Variants in ZNF575 observed in about 807,000 individuals in gnomAD.
ZNF575 encodes zinc finger protein 575.
A neutral mutation model predicts 17.5 loss-of-function variants in ZNF575; 17 were observed. That is an observed-to-expected ratio of 0.97 (90% CI 0.66 to 1.45). ZNF575 has a LOEUF of 1.45. Among genes scored for constraint, ZNF575 ranks in the 40% most tolerant of loss-of-function variants. The pLI is 0.00. For synonymous variants in ZNF575, 146 were observed against 158.3 expected, an observed-to-expected ratio of 0.92 and a Z score of 0.58; for missense variants, 352 against 359.2, an observed-to-expected ratio of 0.98 and a Z score of 0.16.
upstream of ZNF575, chr19:43,531,681 A>G (rs1436725062): frequency 2.2e-6 from 1 of 457,836 alleles, no homozygotes; most frequent in Non-Finnish European, 3.9e-6. Context: ...TGTAATAAAA[A>G]GATATTTATG....
rs907911175 is a variant in ZNF575, at chr19:43,535,204, C to G, written c.255C>G (p.His85Gln). The G allele has an allele frequency of 6.2e-7, 1 of 1,610,556 alleles. No homozygotes were observed. Among genetic ancestry groups the G allele is most frequent in the African/African-American group, 1.3e-5 (1 of 74,868 alleles). The change falls in exon 4 of 4, where the codon CAC (histidine) becomes CAG (glutamine). Residue 85 changes from histidine (H) to glutamine (Q), a missense_variant. Physicochemically the swap from His to Gln is conservative, Grantham distance 24. Coordinates refer to ENST00000314228, the MANE Select transcript of ZNF575 (RefSeq NM_174945.3). ...AGCTGGCCACGCACCGCTTAGCACA[C>G]GGAGGCGCCCGACCCCACCCATGCC... is the stretch of plus-strand genomic sequence containing the variant. ...PSKLATHRLA[H>Q]GGARPHPCPD... is the part of the protein sequence containing the mutation.
intron 2 of ZNF575, 108 bp from the exon 3 acceptor site, chr19:43,534,229 G>A: frequency 1.8e-6 from 1 of 569,720 alleles, no homozygotes; most frequent in Non-Finnish European, 3.1e-6. Context: ...AATTTGCATA[G>A]CCCCGCTCAC....
Position 43,535,041 on chromosome 19 carries a change from G to A in ZNF575, c.92G>A (p.Gly31Asp). ...EPVTKEAPHQ[G>D]PPQKPSQSAP... ...TCCTGTCCCCCAGCTCCCCACCAGG[G>A]CCCACCGCAGAAGCCCAGCCAGTCA... The change falls in exon 4 of 4, where the codon GGC (glycine) becomes GAC (aspartate). Residue 31 changes from glycine (G) to aspartate (D), a missense_variant. Transcript: ENST00000314228. The A allele has an allele frequency of 1.4e-6, 2 of 1,467,832 alleles. No homozygotes were observed. The highest frequency in any genetic ancestry group is 2.7e-5 in the Admixed American group (1 of 36,972). The allele number at this position is 1,467,832 out of a possible 1,614,324, so 90.9% of individuals were successfully genotyped here. A position where few individuals can be genotyped will look rare whatever the true frequency, so the allele number is the denominator to read the frequency against.
chr19:43,533,179 C>T (rs181817855), upstream of ZNF575: 1 of 152,246 alleles, frequency 6.6e-6, no homozygotes. Flanking sequence ...CACTTTCTGT[C>T]GATACGGTAG....
At chr19:43,530,925 C>T (rs1972335125), upstream of ZNF575, among the ~76,000 whole-genome samples, 1 of 152,068 alleles carries the variant, frequency 6.6e-6, no homozygotes, top group South Asian at 2.1e-4. Flanking sequence ...TATAACAATA[C>T]CCTCACTGGT....
chr19:43,534,439 CG>C lies in ZNF575; in HGVS notation c.19del (p.Glu7SerfsTer17). On this transcript the variant is annotated frameshift_variant, in exon 3 of 4. Coordinates refer to ENST00000314228, the MANE Select transcript of ZNF575 (RefSeq NM_174945.3). LOFTEE classifies it high-confidence loss of function. MLERG[A>X]ESAAGATDPS... ...GCCAGCAAGATGCTGGAGCGAGGCG[CG>C]GAGTCCGCGGCCGGGGCTACCGATC... 6.4e-7 allele frequency: 1 copy of C among 1,553,950 alleles called. No individual in the cohort carries two copies. The highest frequency in any genetic ancestry group is 8.7e-7 in the Non-Finnish European group (1 of 1,151,136).
chr19:43,531,740 T>TG (rs1221158898), upstream of ZNF575: 4 of 564,348 alleles, frequency 7.1e-6, no homozygotes, highest in Non-Finnish European at 9.6e-6. Flanking sequence ...GAAGAGTGGA[T>TG]GGGGGGTAAA....
At chr19:43,534,595 G>A in intron 3 of ZNF575, 94 bp downstream of exon 3, 1 of 1,214,176 alleles carries the variant, frequency 8.2e-7, no homozygotes, top group South Asian at 1.8e-5. Flanking sequence ...AAAATTTGAG[G>A]GCCCTAGGGT....
chr19:43,532,177 T>C (rs1314560124), upstream of ZNF575, among the ~76,000 whole-genome samples: 1 of 129,502 alleles, frequency 7.7e-6, no homozygotes, highest in Non-Finnish European at 1.8e-5. Flanking sequence ...TACAAGCGTG[T>C]GCCACCATGC....
chr19:43,534,510 GC>G lies in ZNF575; in HGVS notation c.79+13del, dbSNP rs777332296. On this transcript the variant is annotated intron_variant, in intron 3 of 3. Transcript: ENST00000314228. ...ACCAGTGACCAAAGAAGGTGAGAGTGCCCCGCCTGTGAGTAGGGAGCATTCT... is the reference window on the plus strand; with the variant it reads ...ACCAGTGACCAAAGAAGGTGAGAGTGCCCGCCTGTGAGTAGGGAGCATTCT... 1.1e-5 allele frequency: 16 copies of G among 1,435,114 alleles called. No individual in the cohort carries two copies. Among genetic ancestry groups the G allele is most frequent in the East Asian group, 5.6e-5 (2 of 35,780 alleles). The allele number at this position is 1,435,114 out of a possible 1,614,324, so 88.9% of individuals were successfully genotyped here. A position where few individuals can be genotyped will look rare whatever the true frequency, so the allele number is the denominator to read the frequency against.
chr19:43,535,850 C>A lies in ZNF575; in HGVS notation c.*163C>A. 2.6e-6 allele frequency: 2 copies of A among 770,614 alleles called. No homozygotes were observed. Among genetic ancestry groups the A allele is most frequent in the Admixed American group, 5.9e-5 (2 of 34,084 alleles). The allele number at this position is 770,614 out of a possible 1,614,324, so 47.7% of individuals were successfully genotyped here. A position where few individuals can be genotyped will look rare whatever the true frequency, so the allele number is the denominator to read the frequency against. On this transcript the variant is annotated 3_prime_UTR_variant, in exon 4 of 4. Transcript: ENST00000314228. ...GGCTCGAGCTCAGAAGCCCGAGGAA[C>A]TCTTTGCTCCCCTGCTTTGGGGAGA...
upstream of ZNF575, among the ~76,000 whole-genome samples, chr19:43,531,588 A>G (rs1972344818): frequency 6.6e-6 from 1 of 151,678 alleles, no homozygotes; most frequent in Admixed American, 6.6e-5. Flanking sequence ...TCTCAAAAAA[A>G]AGAGAGAGAG....
intron 3 of ZNF575, 88 bp downstream of exon 3, chr19:43,534,589 T>C: frequency 7.9e-7 from 1 of 1,263,026 alleles, no homozygotes; most frequent in Non-Finnish European, 1.1e-6. Flanking sequence ...AGGGTGAAAA[T>C]TTGAGGGCCC....
In ZNF575 at chr19:43,535,496, C is replaced by A; in HGVS notation, c.547C>A (p.Pro183Thr). ...CCGCCCCTATCCTTGCCCGCATTGC[C>A]CCAAGGCTTTCTCATTTCCCTCCAA... ...DARPYPCPHC[P>T]KAFSFPSKLA... The change falls in exon 4 of 4, where the codon CCC becomes ACC. Residue 183 changes from proline to threonine, a missense_variant. Physicochemically the swap from Pro to Thr is conservative, Grantham distance 38. Coordinates refer to ENST00000314228, the MANE Select transcript of ZNF575 (RefSeq NM_174945.3). The A allele has an allele frequency of 1.9e-6, 3 of 1,613,942 alleles. No individual in the cohort carries two copies. The highest frequency in any genetic ancestry group is 2.5e-6 in the Non-Finnish European group (3 of 1,179,924).
In ZNF575 at chr19:43,535,485, G is replaced by A. The variant is rs747390626; in HGVS notation, c.536G>A (p.Cys179Tyr). The A allele has an allele frequency of 1.2e-6, 2 of 1,612,748 alleles. No homozygotes were observed. The highest frequency in any genetic ancestry group is 1.7e-5 in the Admixed American group (1 of 59,832). The change falls in exon 4 of 4, where the codon TGC (cysteine) becomes TAC (tyrosine). Residue 179 changes from cysteine to tyrosine, a missense_variant. Coordinates refer to ENST00000314228, the MANE Select transcript of ZNF575 (RefSeq NM_174945.3). ...HHATDARPYP[C>Y]PHCPKAFSFP... is the part of the protein sequence containing the mutation. ...GCCACCGACGCCCGCCCCTATCCTT[G>A]CCCGCATTGCCCCAAGGCTTTCTCA...
chr19:43,535,051 G>C lies in ZNF575; in HGVS notation c.102G>C (p.Gln34His). ...CAGCTCCCCACCAGGGCCCACCGCA[G>C]AAGCCCAGCCAGTCAGCTCCAGGGC... The part of the protein sequence containing the change: ...TKEAPHQGPP[Q>H]KPSQSAPGPT... The change falls in exon 4 of 4, where the codon CAG becomes CAC. Residue 34 changes from glutamine (Q) to histidine (H), a missense_variant. Transcript: ENST00000314228. The C allele has an allele frequency of 6.8e-7, 1 of 1,480,806 alleles. No homozygotes were observed. Among genetic ancestry groups the C allele is most frequent in the Non-Finnish European group, 8.9e-7 (1 of 1,126,598 alleles). The allele number at this position is 1,480,806 out of a possible 1,614,324, so 91.7% of individuals were successfully genotyped here.
At position 43,535,244 on chromosome 19, in the gene ZNF575, G is replaced by A. The variant is rs866525238; in HGVS notation, c.295G>A (p.Ala99Thr). ...RPHPCPDCPK[A>T]FSYPSKLAAH... ...CCACCCATGCCCAGACTGCCCCAAGGCCTTCTCCTACCCCTCCAAGCTGGC... is the reference window on the plus strand; with the variant it reads ...CCACCCATGCCCAGACTGCCCCAAGACCTTCTCCTACCCCTCCAAGCTGGC... Residue 99 changes from alanine to threonine, a missense_variant, in exon 4 of 4, where the codon GCC becomes ACC. Coordinates refer to ENST00000314228, the MANE Select transcript of ZNF575 (RefSeq NM_174945.3). 1 of 1,611,376 alleles carries A rather than the reference G, an allele frequency of 6.2e-7. No individual in the cohort carries two copies. Among genetic ancestry groups the A allele is most frequent in the Non-Finnish European group, 8.5e-7 (1 of 1,179,118 alleles).
chr19:43,531,859 C>G (rs921563697), upstream of ZNF575: 1 of 675,970 alleles, frequency 1.5e-6, no homozygotes, highest in African/African-American at 1.8e-5. Context: ...AATCATAGCT[C>G]ATTGCAGACA....
chr19:43,535,577 A>G lies in ZNF575; in HGVS notation c.628A>G (p.Thr210Ala). Reference protein sequence around the residue: ...DPPTAPGSQATAWHRCSSCGQ... With the variant: ...DPPTAPGSQAAAWHRCSSCGQ... ...CCCAACCGCGCCCGGCAGCCAGGCGACTGCCTGGCACCGATGCTCCAGCTG... is the reference window on the plus strand; with the variant it reads ...CCCAACCGCGCCCGGCAGCCAGGCGGCTGCCTGGCACCGATGCTCCAGCTG... The change falls in exon 4 of 4, where the codon ACT (threonine) becomes GCT (alanine). Residue 210 changes from threonine (T) to alanine (A), a missense_variant. Transcript: ENST00000314228. 2 of 1,613,804 alleles carry G rather than the reference A, an allele frequency of 1.2e-6. No homozygotes were observed. The highest frequency in any genetic ancestry group is 1.7e-6 in the Non-Finnish European group (2 of 1,179,958).
Sources: gnomAD v4.1 joint callset for allele counts (sites outside exome capture counted in the v4.1 genomes callset) on GRCh38, gnomAD v4.1.1 for gene constraint, MANE v1.5 for transcripts, NCBI Gene and HGNC (gene_info 2026-07-23, HGNC 2026-07-21) for gene names.